The following CEPT1 variants were observed in gnomAD, a reference collection of about 807,000 sequenced individuals.
CEPT1 encodes choline/ethanolaminephosphotransferase 1.
A neutral mutation model predicts 42.6 loss-of-function variants in CEPT1; 7 were observed. The observed-to-expected ratio is 0.16, with a 90% CI of 0.09 to 0.31. The LOEUF (loss-of-function observed/expected upper bound fraction) is 0.31. CEPT1 is among the 10% of genes least tolerant of loss of function. The pLI is 1.00. For missense variants in CEPT1, 306 were observed against 502.1 expected (o/e 0.61, Z 3.73); for synonymous variants, 171 against 171.9 (o/e 0.99, Z 0.04).
intron 5 of CEPT1, 80 bp from the exon 6 acceptor site, chr1:111,182,107 G>T: frequency 8.7e-7 from 1 of 1,151,840 alleles, no homozygotes; most frequent in South Asian, 1.7e-5. Flanking sequence ...AAGTTTTTGG[G>T]AATATGAATC....
intron 2 of CEPT1, among the ~76,000 whole-genome samples, chr1:111,158,647 T>G (rs1655698767): frequency 6.6e-6 from 1 of 152,156 alleles, no homozygotes; most frequent in African/African-American, 2.4e-5. Flanking sequence ...AGTAAAGAAA[T>G]CCATTTAACA....
intron 1 of CEPT1, among the ~76,000 whole-genome samples, chr1:111,146,809 A>C (rs911067139): frequency 6.6e-6 from 1 of 151,554 alleles, no homozygotes; most frequent in African/African-American, 2.4e-5. Context: ...TTTTCCTTCT[A>C]CTTCCTCAGT....
chr1:111,148,993 AT>A (rs372385021), intron 2 of CEPT1, among the ~76,000 whole-genome samples: 3 of 151,988 alleles, frequency 2.0e-5, no homozygotes, highest in East Asian at 1.9e-4. Context: ...GCTTGAAGTA[AT>A]TTTTTTTAAG....
At chr1:111,148,768 AT>A (rs1021337061) in intron 2 of CEPT1, among the ~76,000 whole-genome samples, 2 of 152,242 alleles carry the variant, frequency 1.3e-5, no homozygotes, top group African/African-American at 4.8e-5. Context: ...ATACATTGAT[AT>A]TTATTTCTTT....
chr1:111,143,561 A>G (rs1286499059), intron 1 of CEPT1: 1 of 152,112 alleles, frequency 6.6e-6, no homozygotes, highest in African/African-American at 2.4e-5. Flanking sequence ...CTATTTTCTT[A>G]TAACTGTTAA....
At chr1:111,162,625 T>A (rs970022714) in intron 4 of CEPT1, among the ~76,000 whole-genome samples, 1 of 152,224 alleles carries the variant, frequency 6.6e-6, no homozygotes, top group Non-Finnish European at 1.5e-5. Flanking sequence ...ATGAAATTTA[T>A]TGAACAGCCA....
chr1:111,168,350 CAG>C (rs577262572), intron 4 of CEPT1, among the ~76,000 whole-genome samples: 1 of 151,586 alleles, frequency 6.6e-6, no homozygotes, highest in Non-Finnish European at 1.5e-5. Context: ...GAAAACCTGA[CAG>C]ATCATTATAT....
intron 1 of CEPT1, 107 bp from the exon 2 acceptor site, chr1:111,147,535 T>G (rs887777571): frequency 2.0e-6 from 1 of 502,204 alleles, no homozygotes; most frequent in Non-Finnish European, 3.4e-6. Context: ...ACTTACTACT[T>G]TATTGACAAT....
intron 4 of CEPT1, chr1:111,167,119 G>C (rs1254796713): frequency 1.0e-6 from 1 of 985,138 alleles, no homozygotes; most frequent in Non-Finnish European, 1.2e-6. Context: ...CGATGTTACA[G>C]AGTCCCAGAT....
intron 5 of CEPT1, among the ~76,000 whole-genome samples, chr1:111,177,539 C>A (rs1656743821): frequency 6.6e-6 from 1 of 152,144 alleles, no homozygotes; most frequent in Non-Finnish European, 1.5e-5. Context: ...GTTGTCTGTG[C>A]ACGTTATATA....
intron 5 of CEPT1, among the ~76,000 whole-genome samples, chr1:111,175,235 G>T (rs1343552155): frequency 6.6e-6 from 1 of 152,100 alleles, no homozygotes; most frequent in African/African-American, 2.4e-5. Context: ...ACAGCAGACA[G>T]TATAACAAGT....
intron 4 of CEPT1, among the ~76,000 whole-genome samples, chr1:111,172,609 G>A (rs1283374806): frequency 6.6e-6 from 1 of 152,122 alleles, no homozygotes; most frequent in Non-Finnish European, 1.5e-5. Flanking sequence ...ATAAACTCTT[G>A]TTTATCATTT....
rs777477789 is a variant in CEPT1, at chr1:111,171,943, G to A, written c.630-2936G>A. ...GTAGAGACGGGGTTTCTCCATGTTG[G>A]TCAGGCTGGTCTCAAACTCCCTACC... On this transcript the variant is annotated intron_variant, in intron 4 of 8. Coordinates refer to ENST00000357172, the MANE Select transcript of CEPT1 (RefSeq NM_006090.5). Among the ~76,000 whole-genome samples the A allele has an allele frequency of 7.2e-5, 11 of 152,280 alleles. No individual in the cohort carries two copies. The South Asian group carries it at 8.3e-4, about 11-fold the overall frequency.
chr1:111,158,899 A>ATTTTTT (rs1245725389), intron 2 of CEPT1, among the ~76,000 whole-genome samples: 1 of 76,470 alleles, frequency 1.3e-5, no homozygotes, highest in African/African-American at 4.8e-5. Flanking sequence ...TTCTTTTACA[A>ATTTTTT]TTCTTTTTTT....
At chr1:111,139,568 T>C (rs1487979743), upstream of CEPT1, 1 of 152,264 alleles carries the variant, frequency 6.6e-6, no homozygotes, top group Non-Finnish European at 1.5e-5. Context: ...TGAAGATTCT[T>C]GGTAACTGCT....
chr1:111,144,772 A>G (rs746003317), intron 1 of CEPT1, among the ~76,000 whole-genome samples: 3 of 152,256 alleles, frequency 2.0e-5, no homozygotes, highest in Non-Finnish European at 4.4e-5. Flanking sequence ...CGTAAGAGCT[A>G]TCATTTACCA....
chr1:111,143,594 C>T (rs1432193564), intron 1 of CEPT1: 2 of 152,106 alleles, frequency 1.3e-5, no homozygotes, highest in African/African-American at 4.8e-5. Flanking sequence ...GGTTTCTAAG[C>T]CAGCAATAAT....
chr1:111,173,985 A>G (rs78231821), intron 4 of CEPT1, among the ~76,000 whole-genome samples: 3,550 of 152,246 alleles, frequency 0.023, 141 homozygotes, highest in African/African-American at 0.08. Flanking sequence ...ATAAATTTAT[A>G]ATTCCATAGT....
intron 4 of CEPT1, among the ~76,000 whole-genome samples, chr1:111,163,354 GCA>G (rs958294357): frequency 5.3e-5 from 8 of 152,276 alleles, no homozygotes; most frequent in Admixed American, 2.0e-4. Flanking sequence ...CTATGGCCAG[GCA>G]CAGTGGCTTA....
Sources: allele counts gnomAD v4.1 joint callset (sites outside exome capture counted in the v4.1 genomes callset), GRCh38; gene constraint gnomAD v4.1.1; transcripts MANE v1.5; gene names NCBI Gene and HGNC (gene_info 2026-07-23, HGNC 2026-07-21).